The following FAM13B variants were observed in gnomAD, a reference collection of about 807,000 sequenced individuals.
FAM13B encodes the protein protein FAM13B.
In FAM13B, 60 loss-of-function variants were observed where a neutral mutation model predicts 117.3. That is an observed-to-expected ratio of 0.51 (90% CI 0.42 to 0.63). The LOEUF (loss-of-function observed/expected upper bound fraction) is 0.63. FAM13B is among the 30% of genes least tolerant of loss of function. The pLI is 0.00. For synonymous variants in FAM13B, 332 were observed against 356.1 expected (o/e 0.93, Z 0.76); for missense variants, 972 against 1,091.9 (o/e 0.89, Z 1.55).
chr5:137,942,774 T>A (rs1300951590), intron 22 of FAM13B, 101 bp downstream of exon 22: 13 of 971,854 alleles, frequency 1.3e-5, no homozygotes, highest in Admixed American at 2.8e-5. Context: ...AAATTCTTGA[T>A]TCATCTCCTA....
intron 10 of FAM13B, among the ~76,000 whole-genome samples, chr5:137,966,200 G>A (rs1466472382): frequency 6.6e-6 from 1 of 151,674 alleles, no homozygotes; most frequent in Non-Finnish European, 1.5e-5. Context: ...ACTTTGGGAG[G>A]CTGAGGTGGG....
intron 4 of FAM13B, among the ~76,000 whole-genome samples, chr5:138,012,379 T>C (rs546186569): frequency 2.0e-5 from 3 of 152,320 alleles, no homozygotes; most frequent in South Asian, 2.1e-4. Flanking sequence ...GAGGGGCTAA[T>C]AGTATCAGTG....
intron 1 of FAM13B, among the ~76,000 whole-genome samples, chr5:138,024,865 GT>G (rs1407176431): frequency 7.0e-6 from 1 of 141,876 alleles, no homozygotes; most frequent in African/African-American, 2.6e-5. Context: ...TTTTGAGTTT[GT>G]TTTTTTTGTT....
At chr5:137,944,928 C>A (rs1763031498) in intron 20 of FAM13B, among the ~76,000 whole-genome samples, 2 of 147,862 alleles carry the variant, frequency 1.4e-5, no homozygotes, top group African/African-American at 2.5e-5. Context: ...AAAAAGGCAA[C>A]AACAGACAAT....
intron 10 of FAM13B, among the ~76,000 whole-genome samples, chr5:137,971,985 A>C (rs991056566): frequency 1.3e-5 from 2 of 150,230 alleles, no homozygotes; most frequent in Non-Finnish European, 3.0e-5. Flanking sequence ...TTACCAACCA[A>C]AAAGAGTCCA....
intron 1 of FAM13B, among the ~76,000 whole-genome samples, chr5:138,027,774 GA>G (rs1788832716): frequency 6.6e-6 from 1 of 152,180 alleles, no homozygotes; most frequent in African/African-American, 2.4e-5. Context: ...CGTGTGGAGA[GA>G]AGGAGGTGAT....
rs1785981251 is a variant in FAM13B, at chr5:138,019,151, CA to C, written c.-35-6del. On this transcript the variant is annotated splice_region_variant and splice_polypyrimidine_tract_variant and intron_variant, in intron 2 of 23. Transcript: ENST00000689681. ...CAGAAATCAAAGCTGTCTTTTCTGC[CA>C]AATGAAAGACAAAAAAAAAAGACTA... 1.4e-6 allele frequency: 2 copies of C among 1,475,948 alleles called. No homozygotes were observed. Among genetic ancestry groups the C allele is most frequent in the Non-Finnish European group, 1.8e-6 (2 of 1,117,160 alleles). The allele number at this position is 1,475,948 out of a possible 1,614,324, so 91.4% of individuals were successfully genotyped here.
intron 20 of FAM13B, 86 bp downstream of exon 20, chr5:137,945,816 T>C (rs1407617864): frequency 2.2e-6 from 2 of 924,968 alleles, no homozygotes; most frequent in East Asian, 2.5e-5. Context: ...GCTGTGTATT[T>C]CTCCAATATA....
At chr5:137,966,478 T>TAGAGAG (rs1203765238) in intron 10 of FAM13B, among the ~76,000 whole-genome samples, 9 of 64,414 alleles carry the variant, frequency 1.4e-4, no homozygotes, top group Non-Finnish European at 1.9e-4. Context: ...TATATATATA[T>TAGAGAG]ATATATATAT....
At chr5:138,013,055 T>C (rs1185008012) in intron 4 of FAM13B, among the ~76,000 whole-genome samples, 4 of 151,666 alleles carry the variant, frequency 2.6e-5, no homozygotes, top group African/African-American at 9.7e-5. Flanking sequence ...ATACAAAAAT[T>C]AGCTGAGTGT....
chr5:138,036,954 A>G (rs1791226596), upstream of FAM13B: 1 of 294,606 alleles, frequency 3.4e-6, no homozygotes, highest in African/African-American at 2.2e-5. Context: ...GAGAAGGTCA[A>G]GGATGCTGGT....
At chr5:138,025,939 C>T (rs1398546487) in intron 1 of FAM13B, among the ~76,000 whole-genome samples, 2 of 152,174 alleles carry the variant, frequency 1.3e-5, no homozygotes, top group African/African-American at 2.4e-5. Context: ...ACAAATGAAA[C>T]GTACCTTTCT....
At chr5:138,041,663 A>C (rs911275628) in intron 1 of FAM13B, among the ~76,000 whole-genome samples, 1 of 152,098 alleles carries the variant, frequency 6.6e-6, no homozygotes. Context: ...AGAGCTGGGC[A>C]TGGTGGTTCA....
At chr5:138,016,466 C>T (rs1785285749) in intron 4 of FAM13B, among the ~76,000 whole-genome samples, 1 of 151,922 alleles carries the variant, frequency 6.6e-6, no homozygotes, top group Non-Finnish European at 1.5e-5. Context: ...CTCTACAAAA[C>T]ATAAAAAATT....
At chr5:137,982,210 T>C (rs1044754397) in intron 10 of FAM13B, among the ~76,000 whole-genome samples, 2 of 152,128 alleles carry the variant, frequency 1.3e-5, no homozygotes, top group Admixed American at 1.3e-4. Context: ...GGTGAGAGGA[T>C]GGCAGTAGAA....
chr5:138,036,475 G>GC (rs1287203473), upstream of FAM13B: 2 of 456,682 alleles, frequency 4.4e-6, no homozygotes, highest in South Asian at 3.1e-5. Flanking sequence ...GGCCCACGGT[G>GC]CCCCTCAGAC....
chr5:138,013,087 C>G (rs1257021899), intron 4 of FAM13B, among the ~76,000 whole-genome samples: 1 of 152,066 alleles, frequency 6.6e-6, no homozygotes, highest in Non-Finnish European at 1.5e-5. Context: ...CATGTGCTCC[C>G]AGCTACTCAG....
intron 9 of FAM13B, 119 bp from the exon 10 acceptor site, chr5:137,985,508 C>G (rs1179777667): frequency 1.0e-6 from 1 of 987,830 alleles, no homozygotes; most frequent in Non-Finnish European, 1.5e-6. Flanking sequence ...AAAATGTGTA[C>G]CTTTCACAAA....
At chr5:137,990,782 C>A (rs1351169610) in intron 7 of FAM13B, among the ~76,000 whole-genome samples, 2 of 151,758 alleles carry the variant, frequency 1.3e-5, no homozygotes, top group Non-Finnish European at 2.9e-5. Flanking sequence ...TAGCGAGACC[C>A]CCATCTCAAA....
Sources: allele counts gnomAD v4.1 joint callset (sites outside exome capture counted in the v4.1 genomes callset), GRCh38; gene constraint gnomAD v4.1.1; transcripts MANE v1.5; gene names NCBI Gene and HGNC (gene_info 2026-07-23, HGNC 2026-07-21).